CORIN: variants seen among roughly 807,000 people sequenced by gnomAD.
The protein encoded by CORIN is corin, serine peptidase.
CORIN carries 117 observed loss-of-function variants against 125.3 expected under a neutral mutation model. That is an observed-to-expected ratio of 0.93 (90% CI 0.80 to 1.09). The LOEUF is 1.09. CORIN is among the 50% of genes least tolerant of loss of function. The probability of loss-of-function intolerance (pLI) is 0.00; values close to 1 mark genes in which losing one functional copy is unlikely to be tolerated. For missense variants in CORIN, 1,253 were observed against 1,306.7 expected (o/e 0.96, Z 0.63); for synonymous variants, 450 against 466.4 (o/e 0.96, Z 0.45).
chr4:47,706,233 T>C (rs572516231), intron 5 of CORIN: 2 of 609,310 alleles, frequency 3.3e-6, no homozygotes, highest in African/African-American at 1.8e-5. Context: ...CAGATTGAAA[T>C]GAAATTCTTC....
At chr4:47,636,319 G>C (rs958336846) in intron 16 of CORIN, among the ~76,000 whole-genome samples, 26 of 152,128 alleles carry the variant, frequency 1.7e-4, no homozygotes, top group Non-Finnish European at 2.9e-5. Flanking sequence ...CTTTCCCTTA[G>C]ACTAACTCAC....
intron 3 of CORIN, among the ~76,000 whole-genome samples, chr4:47,767,320 C>A (rs73150642): frequency 6.6e-6 from 1 of 151,360 alleles, no homozygotes; most frequent in South Asian, 2.1e-4. Context: ...TCCACCCACA[C>A]GCACAGAATA....
At chr4:47,623,502 C>T (rs1722421618) in intron 19 of CORIN, 69 bp downstream of exon 19, 1 of 1,513,844 alleles carries the variant, frequency 6.6e-7, no homozygotes, top group East Asian at 2.3e-5. Flanking sequence ...GTTACATATG[C>T]CACTGAGAAT....
chr4:47,713,725 C>T (rs1469262558), intron 5 of CORIN, among the ~76,000 whole-genome samples: 1 of 152,150 alleles, frequency 6.6e-6, no homozygotes, highest in Non-Finnish European at 1.5e-5. Flanking sequence ...TACCCCTCCA[C>T]ATTTCCAATC....
intron 7 of CORIN, chr4:47,682,510 G>C (rs1338776274): frequency 6.7e-6 from 1 of 150,332 alleles, no homozygotes; most frequent in East Asian, 1.9e-4. Context: ...ATTACAGCTA[G>C]ATAGGAGGAA....
chr4:47,821,244 AC>A (rs1463333604), intron 1 of CORIN, among the ~76,000 whole-genome samples: 1 of 152,002 alleles, frequency 6.6e-6, no homozygotes, highest in Non-Finnish European at 1.5e-5. Context: ...CAAAAAAAAA[AC>A]AAAATGAACT....
At chr4:47,627,525 T>C (rs1424586486) in intron 16 of CORIN, among the ~76,000 whole-genome samples, 1 of 152,186 alleles carries the variant, frequency 6.6e-6, no homozygotes, top group Non-Finnish European at 1.5e-5. Context: ...AAGATATAAA[T>C]TTATTTAGAA....
intron 1 of CORIN, among the ~76,000 whole-genome samples, chr4:47,808,263 A>G (rs983323112): frequency 3.3e-5 from 5 of 152,166 alleles, no homozygotes; most frequent in African/African-American, 4.8e-5. Flanking sequence ...CTTAATAAAT[A>G]CCAAACTTTT....
At chr4:47,833,100 C>A (rs1733138373) in intron 1 of CORIN, among the ~76,000 whole-genome samples, 1 of 147,650 alleles carries the variant, frequency 6.8e-6, no homozygotes, top group Non-Finnish European at 1.5e-5. Flanking sequence ...GGAAACAAAT[C>A]ACCAAAGCAA....
At chr4:47,673,199 TAAATAAATA>T (rs1222922679) in intron 10 of CORIN, among the ~76,000 whole-genome samples, 2 of 146,222 alleles carry the variant, frequency 1.4e-5, no homozygotes, top group Non-Finnish European at 3.0e-5. Flanking sequence ...AATAAATAAA[TAAATAAATA>T]AATAAATAAA....
At chr4:47,641,150 A>T (rs73238619) in intron 16 of CORIN, among the ~76,000 whole-genome samples, 8,592 of 152,260 alleles carry the variant, frequency 0.056, 302 homozygotes, top group Non-Finnish European at 0.086. Flanking sequence ...TGCATGACTC[A>T]TTATTGTAAA....
chr4:47,683,459 G>GA (rs377132628), intron 7 of CORIN: 73 of 285,422 alleles, frequency 2.6e-4, no homozygotes, highest in Non-Finnish European at 4.1e-4. Context: ...TTGAGGAGAG[G>GA]AAAAAAAACT....
chr4:47,805,135 C>CAAA (rs755747242), intron 2 of CORIN, among the ~76,000 whole-genome samples: 72 of 129,330 alleles, frequency 5.6e-4, no homozygotes, highest in South Asian at 1.7e-3. Flanking sequence ...GACTCCATCT[C>CAAA]AAAAAAAAAA....
At position 47,770,215 on chromosome 4, in the gene CORIN, A is replaced by G. The variant is rs369456087; in HGVS notation, c.410-6629T>C. On this transcript the variant is annotated intron_variant, in intron 3 of 21. Transcript: ENST00000273857. The stretch of plus-strand genomic sequence containing the variant: ...AAAGGCCCTAAATAGACATTTCACA[A>G]AAAAATACATACGAATGGCCAACAG... Among the ~76,000 whole-genome samples, 20 of 152,308 alleles carry G rather than the reference A, an allele frequency of 1.3e-4. No homozygotes were observed. The South Asian group carries it at 4.1e-3, about 32-fold the overall frequency.
intron 4 of CORIN, among the ~76,000 whole-genome samples, chr4:47,761,395 G>A (rs554986730): frequency 5.3e-5 from 8 of 152,134 alleles, no homozygotes; most frequent in East Asian, 1.9e-4. Flanking sequence ...GGCCCCAGGC[G>A]AGGGAGAGAG....
chr4:47,775,342 A>T (rs942593620), intron 3 of CORIN, among the ~76,000 whole-genome samples: 1 of 151,894 alleles, frequency 6.6e-6, no homozygotes, highest in African/African-American at 2.4e-5. Flanking sequence ...TACATTAGGT[A>T]TATCTCCTAA....
chr4:47,716,104 T>C (rs1727075012), intron 5 of CORIN, among the ~76,000 whole-genome samples: 1 of 152,224 alleles, frequency 6.6e-6, no homozygotes, highest in South Asian at 2.1e-4. Flanking sequence ...TGCTCCCTAG[T>C]AGTAAATTGG....
chr4:47,757,419 C>A (rs1729200615), intron 4 of CORIN, among the ~76,000 whole-genome samples: 1 of 151,906 alleles, frequency 6.6e-6, no homozygotes, highest in Non-Finnish European at 1.5e-5. Context: ...TATGGTGAAA[C>A]CCCATCTCCA....
At chr4:47,695,414 C>A (rs1360203084) in intron 5 of CORIN, among the ~76,000 whole-genome samples, 1 of 152,194 alleles carries the variant, frequency 6.6e-6, no homozygotes, top group Admixed American at 6.5e-5. Context: ...GCTCAAGATT[C>A]AATAGCTCCT....
Sources: gnomAD v4.1 joint callset for allele counts (sites outside exome capture counted in the v4.1 genomes callset) on GRCh38, gnomAD v4.1.1 for gene constraint, MANE v1.5 for transcripts, NCBI Gene and HGNC (gene_info 2026-07-23, HGNC 2026-07-21) for gene names.